Variants in AK9 observed in about 807,000 individuals in gnomAD.
The protein encoded by AK9 is adenylate kinase domain containing 1.
A neutral mutation model predicts 239.6 loss-of-function variants in AK9; 191 were observed. The observed-to-expected ratio is 0.80, with a 90% CI of 0.71 to 0.90. The LOEUF is 0.90. AK9 is among the 40% of genes least tolerant of loss of function. AK9 has a pLI of 0.00. For missense variants in AK9, 1,995 were observed against 2,214.7 expected (o/e 0.90, Z 1.99); for synonymous variants, 689 against 721.0 (o/e 0.96, Z 0.71).
intron 27 of AK9, among the ~76,000 whole-genome samples, chr6:109,536,391 T>C (rs528610465): frequency 6.6e-6 from 1 of 152,348 alleles, no homozygotes; most frequent in East Asian, 1.9e-4. Context: ...AGTTCACTCA[T>C]GATTTGGCTC....
intron 13 of AK9, among the ~76,000 whole-genome samples, chr6:109,615,009 T>C (rs1309714115): frequency 2.0e-5 from 3 of 152,228 alleles, no homozygotes; most frequent in African/African-American, 7.2e-5. Context: ...TATATTCCAG[T>C]GGGAGAAGGC....
intron 19 of AK9, among the ~76,000 whole-genome samples, chr6:109,582,217 A>C (rs1788947322): frequency 6.6e-6 from 1 of 152,232 alleles, no homozygotes; most frequent in African/African-American, 2.4e-5. Flanking sequence ...CAGCCCATGG[A>C]TCAAAGAGTA....
intron 5 of AK9, among the ~76,000 whole-genome samples, chr6:109,670,777 G>A (rs1462825283): frequency 6.6e-6 from 1 of 151,914 alleles, no homozygotes; most frequent in Admixed American, 6.6e-5. Flanking sequence ...GACGTAATTT[G>A]GAATTCTGTG....
chr6:109,664,268 A>G (rs544745663), intron 5 of AK9, among the ~76,000 whole-genome samples: 1 of 152,264 alleles, frequency 6.6e-6, no homozygotes, highest in Non-Finnish European at 1.5e-5. Context: ...TTGTGCCCCA[A>G]AAGTTTGAGA....
At chr6:109,559,012 C>T (rs994647566) in intron 24 of AK9, among the ~76,000 whole-genome samples, 8 of 151,856 alleles carry the variant, frequency 5.3e-5, no homozygotes, top group Admixed American at 1.3e-4. Context: ...CCACCACGCC[C>T]GGCTCATTTT....
intron 9 of AK9, among the ~76,000 whole-genome samples, chr6:109,642,349 T>C (rs778311200): frequency 1.3e-5 from 2 of 152,052 alleles, no homozygotes; most frequent in Non-Finnish European, 2.9e-5. Flanking sequence ...TGGGAGATAG[T>C]GAGATAGCCA....
intron 1 of AK9, among the ~76,000 whole-genome samples, chr6:109,679,507 A>G (rs1474907004): frequency 6.6e-6 from 1 of 152,084 alleles, no homozygotes; most frequent in Non-Finnish European, 1.5e-5. Context: ...ACCTGGGGGA[A>G]GGGGTGGCTG....
intron 28 of AK9, among the ~76,000 whole-genome samples, chr6:109,530,874 C>T (rs1582864785): frequency 6.6e-6 from 1 of 152,204 alleles, no homozygotes; most frequent in South Asian, 2.1e-4. Flanking sequence ...GAAACCCCGT[C>T]TATACTAAAA....
In AK9 at chr6:109,549,689, G is replaced by A. The variant is rs1165735535; in HGVS notation, c.2964+401C>T. On this transcript the variant is annotated intron_variant, in intron 25 of 40. Coordinates refer to ENST00000424296, the MANE Select transcript of AK9 (RefSeq NM_001145128.3). Reference sequence around the variant, plus strand: ...CTTTTTTTTTTTTTTTTTTTGAGACGGAGTTTCGCTCTGTCGCCCAGGCTG... The same window carrying A: ...CTTTTTTTTTTTTTTTTTTTGAGACAGAGTTTCGCTCTGTCGCCCAGGCTG... The A allele has an allele frequency of 3.1e-4, 25 of 79,860 alleles. No homozygotes were observed. In the Admixed American group the frequency reaches 3.4e-3, roughly 11 times the overall value. The allele number at this position is 79,860 out of a possible 1,614,324, so 4.9% of individuals were successfully genotyped here.
chr6:109,629,702 G>T (rs558471082), intron 12 of AK9, among the ~76,000 whole-genome samples: 1 of 151,196 alleles, frequency 6.6e-6, no homozygotes, highest in Non-Finnish European at 1.5e-5. Context: ...GCGCGATCTC[G>T]GCTCACTGCA....
intron 31 of AK9, among the ~76,000 whole-genome samples, chr6:109,515,445 A>C (rs1331742471): frequency 6.6e-6 from 1 of 152,212 alleles, no homozygotes; most frequent in Non-Finnish European, 1.5e-5. Context: ...TTATAGCATC[A>C]GATGGGCAAG....
rs3060763 is a variant in AK9, at chr6:109,576,420, C to CTTTTTTTTTTTTTTT, written c.2192-2841_2192-2827dup. Among the ~76,000 whole-genome samples the CTTTTTTTTTTTTTTT allele has an allele frequency of 5.8e-5, 6 of 103,478 alleles. 1 individual carries two copies. Among genetic ancestry groups the CTTTTTTTTTTTTTTT allele is most frequent in the Non-Finnish European group, 7.8e-5 (4 of 51,216 alleles). The allele number at this position is 103,478 out of a possible 152,430, so 67.9% of individuals were successfully genotyped here. ...GGTTAGGTGTATATACATATATATA[C>CTTTTTTTTTTTTTTT]TTTTTTTTTTTTTTTTTGCAGCTGT... On this transcript the variant is annotated intron_variant, in intron 20 of 40. Transcript: ENST00000424296.
chr6:109,619,664 G>A (rs76514462), intron 12 of AK9, among the ~76,000 whole-genome samples: 516 of 151,952 alleles, frequency 3.4e-3, no homozygotes, highest in African/African-American at 0.011. Context: ...AACATTTGCC[G>A]GGTGTGGTGG....
chr6:109,528,559 T>G (rs756756705), intron 29 of AK9: 52 of 457,016 alleles, frequency 1.1e-4, no homozygotes, highest in African/African-American at 9.8e-4. Flanking sequence ...ATATTTTGTT[T>G]TGACAAAGCA....
rs1336004877 is a variant in AK9, at chr6:109,506,743, C to A, written c.4539G>T (p.Arg1513Ser). The change falls in exon 34 of 41, where the codon AGG (arginine) becomes AGT (serine). Residue 1513 changes from arginine to serine, a missense_variant. Physicochemically the swap from Arg to Ser is moderately radical, Grantham distance 110. Around this residue, in one of 5 missense-constraint regions of AK9, gnomAD observed 45 missense variants for 80.5 expected, o/e 0.56. Transcript: ENST00000424296. Reference sequence around the variant, plus strand: ...CAAAGATGACCATGGGAATGATTGACCTAGCTTCCAAGAGATTCATTTGAT... The same window carrying A: ...CAAAGATGACCATGGGAATGATTGAACTAGCTTCCAAGAGATTCATTTGAT... ...TKHQMNLLEA[R>S]SIIPMVIFEL... 1 of 1,530,010 alleles carries A rather than the reference C, an allele frequency of 6.5e-7. No individual in the cohort carries two copies. The highest frequency in any genetic ancestry group is 2.0e-5 in the Admixed American group (1 of 49,818). The allele number at this position is 1,530,010 out of a possible 1,614,324, so 94.8% of individuals were successfully genotyped here. A position where few individuals can be genotyped will look rare whatever the true frequency, so the allele number is the denominator to read the frequency against.
Position 109,546,056 on chromosome 6 carries a change from T to G in AK9, c.3036A>C (p.Ala1012=), listed in dbSNP as rs1161212682. 1 of 1,592,228 alleles carries G rather than the reference T, an allele frequency of 6.3e-7. No homozygotes were observed. Among genetic ancestry groups the G allele is most frequent in the Admixed American group, 1.7e-5 (1 of 59,286 alleles). Residue 1012 remains alanine, a synonymous_variant, in exon 26 of 41, where the codon GCA becomes GCC. Coordinates refer to ENST00000424296, the MANE Select transcript of AK9 (RefSeq NM_001145128.3). ...GAATGTGAAAAATGTTTAATTTTTC[T>G]GCCAACTGTCTTCCACACATAGTTT... The part of the protein sequence containing the change: ...SGKTMCGRQL[A]EKLNIFHIQF...
At chr6:109,666,316 G>C (rs1349542371) in intron 5 of AK9, among the ~76,000 whole-genome samples, 1 of 152,196 alleles carries the variant, frequency 6.6e-6, no homozygotes, top group African/African-American at 2.4e-5. Flanking sequence ...TTGTTAAACA[G>C]ACCAGAACTA....
At chr6:109,684,601 G>A (rs1773186409) in intron 1 of AK9, among the ~76,000 whole-genome samples, 2 of 151,984 alleles carry the variant, frequency 1.3e-5, no homozygotes, top group African/African-American at 2.4e-5. Flanking sequence ...GAGGCCGGGC[G>A]CGGTGGCTCA....
At chr6:109,627,824 C>T (rs1410642635) in intron 12 of AK9, among the ~76,000 whole-genome samples, 1 of 152,020 alleles carries the variant, frequency 6.6e-6, no homozygotes, top group Non-Finnish European at 1.5e-5. Flanking sequence ...GGCTAATTTT[C>T]GTATTTGTAG....
Sources: gnomAD v4.1 joint callset for allele counts (sites outside exome capture counted in the v4.1 genomes callset) on GRCh38, gnomAD v4.1.1 for gene constraint, gnomAD v4.1.1 regional missense constraint, MANE v1.5 for transcripts, NCBI Gene and HGNC (gene_info 2026-07-23, HGNC 2026-07-21) for gene names.